Variants in SLC24A2 observed in about 807,000 individuals in gnomAD.
SLC24A2 encodes sodium/potassium/calcium exchanger 2.
SLC24A2 carries 36 observed loss-of-function variants against 62.0 expected under a neutral mutation model. The observed-to-expected ratio is 0.58, with a 90% confidence interval of 0.44 to 0.77. The LOEUF is 0.77. SLC24A2 is among the 30% of genes least tolerant of loss of function. The pLI is 0.00. For synonymous variants in SLC24A2, 358 were observed against 294.0 expected (o/e 1.22, Z -2.23); for missense variants, 846 against 817.9 (o/e 1.03, Z -0.42).
rs147294177 is a variant in SLC24A2, at chr9:19,751,026, G to A, written c.930+34911C>T. Among the ~76,000 whole-genome samples the A allele has an allele frequency of 6.0e-4, 91 of 152,284 alleles. 1 individual carries two copies. The highest frequency in any genetic ancestry group is 2.0e-3 in the African/African-American group (85 of 41,554). ...TGTATACCCACAGCATTCTGTGCCTGCCTTCACTATGGGGCTTACTGTTTT... is the reference window on the plus strand; with the variant it reads ...TGTATACCCACAGCATTCTGTGCCTACCTTCACTATGGGGCTTACTGTTTT... On this transcript the variant is annotated intron_variant, in intron 2 of 10. Coordinates refer to ENST00000341998, the MANE Select transcript of SLC24A2 (RefSeq NM_020344.4).
the SLC24A2 span, among the ~76,000 whole-genome samples, chr9:19,965,711 C>G: frequency 8.5e-5 from 13 of 152,254 alleles, no homozygotes; most frequent in East Asian, 2.5e-3. Flanking sequence ...AGAACCTATG[C>G]TTTCACTGAA....
the SLC24A2 span, among the ~76,000 whole-genome samples, chr9:19,962,997 T>A: frequency 6.6e-6 from 1 of 152,126 alleles, no homozygotes; most frequent in Non-Finnish European, 1.5e-5. Context: ...CTGTGGGTTT[T>A]TCATAGATAG....
chr9:20,058,144 G>A, the SLC24A2 span, among the ~76,000 whole-genome samples: 25 of 152,164 alleles, frequency 1.6e-4, no homozygotes, highest in Non-Finnish European at 2.9e-4. Flanking sequence ...ATGTTGTGAT[G>A]TTCTTTCTTT....
chr9:20,094,871 G>C, the SLC24A2 span, among the ~76,000 whole-genome samples: 1 of 152,068 alleles, frequency 6.6e-6, no homozygotes, highest in East Asian at 1.9e-4. Flanking sequence ...AACTAAGTAT[G>C]AAAAGTTATT....
the SLC24A2 span, among the ~76,000 whole-genome samples, chr9:20,245,242 G>A: frequency 2.0e-5 from 3 of 152,170 alleles, no homozygotes; most frequent in Admixed American, 2.0e-4. Context: ...TTAATACCAA[G>A]TGACAGGTGC....
the SLC24A2 span, among the ~76,000 whole-genome samples, chr9:20,179,427 A>G: frequency 1.3e-5 from 2 of 152,176 alleles, no homozygotes; most frequent in Non-Finnish European, 2.9e-5. Context: ...TGAGATCATC[A>G]TGACTGATGG....
At chr9:20,001,987 T>G in the SLC24A2 span, among the ~76,000 whole-genome samples, 1 of 152,184 alleles carries the variant, frequency 6.6e-6, no homozygotes, top group Non-Finnish European at 1.5e-5. Context: ...ATACAGCATT[T>G]CTAAAATTTA....
At position 19,548,985 on chromosome 9, in the gene SLC24A2, C is replaced by T. The variant is rs999851750; in HGVS notation, c.1479+1152G>A. On this transcript the variant is annotated intron_variant, in intron 8 of 10. Coordinates refer to ENST00000341998, the MANE Select transcript of SLC24A2 (RefSeq NM_020344.4). The stretch of plus-strand genomic sequence containing the variant: ...CTAAGAAGTAGAGCTGTTTCTCCTT[C>T]CCTCTCCTTAGTTCTTTCACCTCTG... Among the ~76,000 whole-genome samples, 9 of 152,180 alleles carry T rather than the reference C, an allele frequency of 5.9e-5. No homozygotes were observed. In the South Asian group the frequency reaches 8.3e-4, roughly 14 times the overall value.
the SLC24A2 span, among the ~76,000 whole-genome samples, chr9:20,211,330 T>C: frequency 6.6e-6 from 1 of 152,064 alleles, no homozygotes; most frequent in South Asian, 2.1e-4. Context: ...CTGATCAACA[T>C]GAAGAAAAGC....
At chr9:20,069,643 T>C in the SLC24A2 span, among the ~76,000 whole-genome samples, 1 of 152,238 alleles carries the variant, frequency 6.6e-6, no homozygotes, top group Admixed American at 6.5e-5. Flanking sequence ...TTCTTTTATT[T>C]TCGTCACCTA....
At chr9:20,128,179 T>C in the SLC24A2 span, among the ~76,000 whole-genome samples, 2 of 152,140 alleles carry the variant, frequency 1.3e-5, no homozygotes, top group Non-Finnish European at 2.9e-5. Context: ...GGCAGATGGT[T>C]TGTGTGTTTT....
chr9:19,899,179 T>C, the SLC24A2 span, among the ~76,000 whole-genome samples: 1 of 152,176 alleles, frequency 6.6e-6, no homozygotes, highest in Non-Finnish European at 1.5e-5. Flanking sequence ...GTCTGACTGG[T>C]AAAGCCTAAG....
the SLC24A2 span, among the ~76,000 whole-genome samples, chr9:19,867,603 T>C: frequency 3.9e-3 from 601 of 152,294 alleles, 5 homozygotes; most frequent in African/African-American, 0.014. Context: ...TTTGTCAATG[T>C]TATTAATCAT....
chr9:20,064,341 CA>C, the SLC24A2 span, among the ~76,000 whole-genome samples: 3 of 152,106 alleles, frequency 2.0e-5, no homozygotes, highest in Non-Finnish European at 4.4e-5. Flanking sequence ...TCATTGCAAA[CA>C]GATTTGTGAG....
the SLC24A2 span, among the ~76,000 whole-genome samples, chr9:20,276,407 T>G: frequency 6.6e-6 from 1 of 152,242 alleles, no homozygotes; most frequent in African/African-American, 2.4e-5. Flanking sequence ...GTCACGCTGA[T>G]GCAAGAGTTG....
chr9:20,096,914 C>T, the SLC24A2 span, among the ~76,000 whole-genome samples: 1 of 152,046 alleles, frequency 6.6e-6, no homozygotes, highest in Non-Finnish European at 1.5e-5. Context: ...TCGTCTTTTT[C>T]CCAAATCTAC....
chr9:19,651,165 T>C (rs1818790618), intron 2 of SLC24A2, among the ~76,000 whole-genome samples: 1 of 152,146 alleles, frequency 6.6e-6, no homozygotes, highest in Admixed American at 6.6e-5. Context: ...CAAGAAGCCC[T>C]CTAAGTAAAG....
the SLC24A2 span, among the ~76,000 whole-genome samples, chr9:19,978,281 A>G: frequency 6.6e-6 from 1 of 152,166 alleles, no homozygotes; most frequent in Admixed American, 6.5e-5. Context: ...TCTTTAGCAA[A>G]AGGACAGAGG....
the SLC24A2 span, among the ~76,000 whole-genome samples, chr9:19,884,360 G>A: frequency 1.2e-4 from 19 of 152,060 alleles, no homozygotes; most frequent in East Asian, 9.7e-4. Context: ...GGATGACAGC[G>A]TCTCATTCTG....
Sources: allele counts gnomAD v4.1 joint callset (sites outside exome capture counted in the v4.1 genomes callset), GRCh38; gene constraint gnomAD v4.1.1; transcripts MANE v1.5; gene names NCBI Gene and HGNC (gene_info 2026-07-23, HGNC 2026-07-21).